Variants in BLTP1 observed in about 807,000 individuals in gnomAD.
BLTP1 encodes bridge-like lipid transfer protein family member 1.
At chr4:122,271,407 G>A in the BLTP1 span, 3 of 1,613,884 alleles carry the variant, frequency 1.9e-6, no homozygotes, top group Admixed American at 3.3e-5. Flanking sequence ...TCTAGAGGAA[G>A]TCTTAATGGT....
the BLTP1 span, chr4:122,246,643 T>A: frequency 6.3e-7 from 1 of 1,585,506 alleles, no homozygotes; most frequent in South Asian, 1.2e-5. Context: ...TAAGTGGTAA[T>A]TTTTCACTTG....
the BLTP1 span, chr4:122,359,552 T>C: frequency 1.2e-5 from 20 of 1,607,926 alleles, no homozygotes; most frequent in Non-Finnish European, 1.7e-5. Context: ...AAATTTTCCT[T>C]ATAGCCATCT....
chr4:122,355,742 C>T, the BLTP1 span: 2 of 1,518,734 alleles, frequency 1.3e-6, no homozygotes, highest in East Asian at 2.3e-5. Context: ...GCTATATAGG[C>T]TTGTCAATGC....
the BLTP1 span, among the ~76,000 whole-genome samples, chr4:122,312,251 G>A: frequency 6.6e-6 from 1 of 152,062 alleles, no homozygotes; most frequent in Non-Finnish European, 1.5e-5. Context: ...GCCCAGGCTG[G>A]TCATGAACTC....
chr4:122,162,413 TGAA>T, the BLTP1 span: 2 of 450,532 alleles, frequency 4.4e-6, no homozygotes, highest in Non-Finnish European at 5.9e-6. Context: ...AGAGGAGCCA[TGAA>T]GCCCTGGAAG....
the BLTP1 span, chr4:122,194,601 A>G: frequency 1.0e-6 from 1 of 977,612 alleles, no homozygotes; most frequent in Non-Finnish European, 1.2e-6. Flanking sequence ...AGGTTGGCAG[A>G]ACAGTTATGT....
chr4:122,344,773 C>T, the BLTP1 span: 3 of 981,844 alleles, frequency 3.1e-6, no homozygotes, highest in Non-Finnish European at 3.6e-6. Context: ...ACATATCACC[C>T]AAGGGCCAAG....
At chr4:122,312,608 GAC>G in the BLTP1 span, 1 of 147,994 alleles carries the variant, frequency 6.8e-6, no homozygotes, top group Admixed American at 7.1e-5. Context: ...TTGTATGTGA[GAC>G]ACAGGTACTA....
the BLTP1 span, chr4:122,271,859 G>C: frequency 1.4e-6 from 1 of 717,872 alleles, no homozygotes; most frequent in South Asian, 2.1e-5. Context: ...CTATCACCAG[G>C]GAAATAAAAC....
At chr4:122,204,898 G>T in the BLTP1 span, 1 of 696,850 alleles carries the variant, frequency 1.4e-6, no homozygotes, top group Non-Finnish European at 1.8e-6. Context: ...TATATTTAAG[G>T]TAAATTTGAT....
the BLTP1 span, among the ~76,000 whole-genome samples, chr4:122,168,180 G>A: frequency 1.2e-4 from 18 of 152,116 alleles, no homozygotes; most frequent in Non-Finnish European, 2.5e-4. Context: ...TCTAATATTT[G>A]GGAAATATTG....
At chr4:122,348,819 G>A in the BLTP1 span, 3 of 751,184 alleles carry the variant, frequency 4.0e-6, no homozygotes, top group Non-Finnish European at 6.2e-6. Context: ...CTAAATATTT[G>A]AAAAAGAAGT....
the BLTP1 span, chr4:122,328,602 A>T: frequency 7.3e-6 from 7 of 960,136 alleles, no homozygotes; most frequent in Non-Finnish European, 8.7e-6. Context: ...AAGTTTAATT[A>T]TCTAAAATAA....
chr4:122,247,708 C>A, the BLTP1 span: 36 of 1,036,638 alleles, frequency 3.5e-5, no homozygotes, highest in Non-Finnish European at 4.2e-5. Context: ...TTAAGTCATT[C>A]TGTTTGTAAA....
At chr4:122,198,045 T>A in the BLTP1 span, 1 of 985,186 alleles carries the variant, frequency 1.0e-6, no homozygotes, top group Non-Finnish European at 1.2e-6. Context: ...TTTTGTGTAA[T>A]TCTTAGCTCT....
At chr4:122,268,909 T>C in the BLTP1 span, 1 of 152,998 alleles carries the variant, frequency 6.5e-6, no homozygotes, top group African/African-American at 2.4e-5. Flanking sequence ...TTGTACTGAC[T>C]TGTGGGCTGA....
At chr4:122,346,502 A>G in the BLTP1 span, 109 of 1,428,396 alleles carry the variant, frequency 7.6e-5, no homozygotes, top group Non-Finnish European at 9.9e-5. Context: ...AGAATGTAAC[A>G]CTAATCATAA....
chr4:122,168,048 A>T, the BLTP1 span: 103 of 223,946 alleles, frequency 4.6e-4, no homozygotes, highest in African/African-American at 2.3e-3. Flanking sequence ...TTATACCAGA[A>T]TATCTACTTC....
chr4:122,226,312 T>C, the BLTP1 span: 14 of 750,400 alleles, frequency 1.9e-5, no homozygotes, highest in Non-Finnish European at 2.3e-5. Context: ...CAATGTGATA[T>C]TTAGATACTT....
Sources: gnomAD v4.1 joint callset for allele counts (sites outside exome capture counted in the v4.1 genomes callset) on GRCh38, gnomAD v4.1.1 for gene constraint, MANE v1.5 for transcripts, NCBI Gene and HGNC (gene_info 2026-07-23, HGNC 2026-07-21) for gene names.